Variants in DNAJC5 observed in about 807,000 individuals in gnomAD.
DNAJC5 encodes the protein DnaJ heat shock protein family (Hsp40) member C5.
In DNAJC5, 1 loss-of-function variant was observed where a neutral mutation model predicts 23.2. The ratio of observed to expected loss-of-function variants is 0.04; its 90% confidence interval spans 0.02 to 0.20. The LOEUF (loss-of-function observed/expected upper bound fraction) is 0.20. Among genes scored for constraint, DNAJC5 ranks in the 10% least tolerant of loss-of-function variants. The pLI, the probability that DNAJC5 is intolerant of heterozygous loss-of-function variation, is 1.00. For synonymous variants in DNAJC5, 136 were observed against 120.0 expected (o/e 1.13, Z -0.87); for missense variants, 180 against 267.0 (o/e 0.67, Z 2.27).
chr20:63,913,173 C>T (rs182393324), intron 1 of DNAJC5, among the ~76,000 whole-genome samples: 1 of 152,270 alleles, frequency 6.6e-6, no homozygotes, highest in East Asian at 1.9e-4. Context: ...CTGACCCAGC[C>T]CCTGCTGTGT....
intron 1 of DNAJC5, among the ~76,000 whole-genome samples, chr20:63,921,448 G>A (rs1409329963): frequency 3.9e-5 from 6 of 151,906 alleles, no homozygotes; most frequent in African/African-American, 1.4e-4. Flanking sequence ...AAAATTAGCC[G>A]GGCGTGGTGG....
chr20:63,926,984 G>A (rs369446502), intron 1 of DNAJC5, among the ~76,000 whole-genome samples: 52 of 152,372 alleles, frequency 3.4e-4, no homozygotes, highest in African/African-American at 1.2e-3. Context: ...CATGTTAGCC[G>A]GAGGTGTGTT....
Position 63,931,934 on chromosome 20 carries a change from G to A in DNAJC5, c.*366G>A. The A allele has an allele frequency of 2.7e-6, 1 of 364,058 alleles. No homozygotes were observed. The highest frequency in any genetic ancestry group is 2.2e-5 in the South Asian group (1 of 45,348). The allele number at this position is 364,058 out of a possible 1,614,324, so 22.6% of individuals were successfully genotyped here. On this transcript the variant is annotated 3_prime_UTR_variant, in exon 5 of 5. Transcript: ENST00000360864. The surrounding 1 kb of genome is among the most constrained non-coding windows in gnomAD (Gnocchi z 9.6). ...GGGGTGACTGCAGCCGGTCAGGTGGGCGAGGAGAAGGGGGGCTGCCCCTTT... is the reference window on the plus strand; with the variant it reads ...GGGGTGACTGCAGCCGGTCAGGTGGACGAGGAGAAGGGGGGCTGCCCCTTT...
intron 1 of DNAJC5, among the ~76,000 whole-genome samples, chr20:63,903,604 G>A (rs571952398): frequency 2.6e-5 from 4 of 152,160 alleles, no homozygotes; most frequent in African/African-American, 9.6e-5. Context: ...ACTGCGCTCG[G>A]CCCATCTCAA....
intron 1 of DNAJC5, among the ~76,000 whole-genome samples, chr20:63,899,135 G>A (rs1383343400): frequency 6.6e-6 from 1 of 152,084 alleles, no homozygotes; most frequent in Non-Finnish European, 1.5e-5. Context: ...CCTGCTGGGA[G>A]AAAAAAGGAG....
At chr20:63,904,676 T>C (rs1804759093) in intron 1 of DNAJC5, among the ~76,000 whole-genome samples, 1 of 152,214 alleles carries the variant, frequency 6.6e-6, no homozygotes, top group African/African-American at 2.4e-5. Context: ...GCCTTTGCCC[T>C]GGACTGACTC....
At chr20:63,914,317 A>G (rs1034698506) in intron 1 of DNAJC5, among the ~76,000 whole-genome samples, 1 of 152,134 alleles carries the variant, frequency 6.6e-6, no homozygotes, top group African/African-American at 2.4e-5. Context: ...AATGCCAAAG[A>G]ATTTTTAGCT....
intron 1 of DNAJC5, among the ~76,000 whole-genome samples, chr20:63,924,928 G>A (rs770908395): frequency 2.0e-5 from 3 of 152,238 alleles, no homozygotes; most frequent in Non-Finnish European, 4.4e-5. Flanking sequence ...GGCCATTCCC[G>A]AGCTCATGTA....
rs1302074914 is a variant in DNAJC5 at position 63,931,760 on chromosome 20, A to G, written c.*192A>G. Reference sequence around the variant, plus strand: ...GTGCGTAGCATGCAGTATTTAAAGCAGTGTAGCTACGGTCTTCTGTTTTTT... The same window carrying G: ...GTGCGTAGCATGCAGTATTTAAAGCGGTGTAGCTACGGTCTTCTGTTTTTT... On this transcript the variant is annotated 3_prime_UTR_variant, in exon 5 of 5. Coordinates refer to ENST00000360864, the MANE Select transcript of DNAJC5 (RefSeq NM_025219.3). This position sits in a 1 kb window ranked among gnomAD's most constrained non-coding sequence, Gnocchi z 9.6. 1.5e-6 allele frequency: 1 copy of G among 648,360 alleles called. No individual in the cohort carries two copies. The highest frequency in any genetic ancestry group is 2.8e-6 in the Non-Finnish European group (1 of 359,118). The allele number at this position is 648,360 out of a possible 1,614,324, so 40.2% of individuals were successfully genotyped here.
intron 1 of DNAJC5, among the ~76,000 whole-genome samples, chr20:63,896,101 T>G (rs1163377926): frequency 6.6e-6 from 1 of 152,234 alleles, no homozygotes; most frequent in East Asian, 1.9e-4. Flanking sequence ...GAAGATTTGA[T>G]GGTGGTTAGA....
intron 1 of DNAJC5, among the ~76,000 whole-genome samples, chr20:63,899,873 G>A (rs1020043412): frequency 9.7e-5 from 14 of 144,886 alleles, no homozygotes; most frequent in African/African-American, 2.3e-4. Context: ...GAGCCACTGC[G>A]CCTGGGCTTT....
intron 1 of DNAJC5, among the ~76,000 whole-genome samples, chr20:63,921,515 C>T (rs1376824672): frequency 1.3e-5 from 2 of 150,198 alleles, no homozygotes; most frequent in African/African-American, 4.9e-5. Flanking sequence ...GGCGTGAACC[C>T]GGGAGGCGGA....
At position 63,928,343 on chromosome 20, in the gene DNAJC5, A is replaced by G; in HGVS notation, c.-3A>G. On this transcript the variant is annotated 5_prime_UTR_variant, in exon 2 of 5. Transcript: ENST00000360864. This position sits in a 1 kb window ranked among gnomAD's most constrained non-coding sequence, Gnocchi z 4.6. ...TTTATTTTTTCTTCTAGAATAGCCT[A>G]ACATGGCAGACCAGAGACAGCGCTC... 1 of 1,613,208 alleles carries G rather than the reference A, an allele frequency of 6.2e-7. No individual in the cohort carries two copies.
At chr20:63,899,214 A>G (rs996239241) in intron 1 of DNAJC5, among the ~76,000 whole-genome samples, 1 of 152,214 alleles carries the variant, frequency 6.6e-6, no homozygotes, top group Non-Finnish European at 1.5e-5. Context: ...AAAAACAGTA[A>G]TAGTCTTGTT....
intron 1 of DNAJC5, chr20:63,919,332 A>G: frequency 2.0e-6 from 1 of 504,328 alleles, no homozygotes; most frequent in Non-Finnish European, 4.0e-6. Context: ...GTAACTGTTG[A>G]GCAAATGAAT....
At chr20:63,917,927 C>T (rs1218839972) in intron 1 of DNAJC5, among the ~76,000 whole-genome samples, 1 of 152,170 alleles carries the variant, frequency 6.6e-6, no homozygotes, top group Non-Finnish European at 1.5e-5. Context: ...CTTCTCACGC[C>T]TCAGTTGCTT....
chr20:63,895,471 C>T (rs1343127613), intron 1 of DNAJC5, 148 bp downstream of exon 1: 3 of 146,818 alleles, frequency 2.0e-5, no homozygotes, highest in Non-Finnish European at 4.6e-5. Flanking sequence ...CGCTCGGGGC[C>T]GGAGCTGCTG....
intron 1 of DNAJC5, among the ~76,000 whole-genome samples, chr20:63,899,658 T>C (rs1008889760): frequency 1.3e-5 from 2 of 152,196 alleles, no homozygotes; most frequent in Non-Finnish European, 2.9e-5. Flanking sequence ...CTTGGCTCAC[T>C]GCAACCTCTG....
Position 63,931,307 on chromosome 20 carries a change from C to T in DNAJC5, c.494-158C>T. ...CTGAGGGCCGAGGGCTGGCGGTGAC[C>T]CAAGGCGACGGAGGAAAGCCGTGTG... On this transcript the variant is annotated intron_variant, in intron 4 of 4. Coordinates refer to ENST00000360864, the MANE Select transcript of DNAJC5 (RefSeq NM_025219.3). The surrounding 1 kb of genome is among the most constrained non-coding windows in gnomAD (Gnocchi z 9.6). The T allele has an allele frequency of 2.3e-6, 2 of 853,104 alleles. No individual in the cohort carries two copies. The highest frequency in any genetic ancestry group is 3.0e-4 in the Middle Eastern group (1 of 3,344). The allele number at this position is 853,104 out of a possible 1,614,324, so 52.8% of individuals were successfully genotyped here. A position where few individuals can be genotyped will look rare whatever the true frequency, so the allele number is the denominator to read the frequency against.
Sources: allele counts gnomAD v4.1 joint callset (sites outside exome capture counted in the v4.1 genomes callset), GRCh38; gene constraint gnomAD v4.1.1; non-coding constraint Gnocchi (gnomAD v3.1); transcripts MANE v1.5; gene names NCBI Gene and HGNC (gene_info 2026-07-23, HGNC 2026-07-21).